The following ADGRD1 variants were observed in gnomAD, a reference collection of about 807,000 sequenced individuals.
The protein encoded by ADGRD1 is G-protein coupled receptor 133.
In ADGRD1, 77 loss-of-function variants were observed where a neutral mutation model predicts 113.4. The ratio of observed to expected loss-of-function variants is 0.68; its 90% CI spans 0.57 to 0.82. ADGRD1 has a LOEUF of 0.82. Ranked by LOEUF, ADGRD1 falls within the 40% of genes least tolerant of loss-of-function variation. The pLI, the probability that ADGRD1 is intolerant of heterozygous loss-of-function variation, is 0.00. For synonymous variants in ADGRD1, 474 were observed against 475.0 expected, an observed-to-expected ratio of 1.00 and a Z score of 0.03; for missense variants, 1,036 against 1,139.1, an observed-to-expected ratio of 0.91 and a Z score of 1.30.
intron 13 of ADGRD1, chr12:131,035,619 A>T (rs1298875923): frequency 7.7e-6 from 1 of 130,106 alleles, no homozygotes; most frequent in Non-Finnish European, 1.9e-5. Flanking sequence ...TGCTTAACTG[A>T]TGATGGGGTG....
chr12:131,000,325 T>C, intron 8 of ADGRD1, 58 bp from the exon 9 acceptor site: 1 of 1,308,596 alleles, frequency 7.6e-7, no homozygotes, highest in Non-Finnish European at 1.1e-6. Context: ...AAACTGAAGG[T>C]CTTCAAGTTT....
chr12:131,117,556 C>A (rs1018033223), intron 18 of ADGRD1, among the ~76,000 whole-genome samples: 1 of 152,114 alleles, frequency 6.6e-6, no homozygotes, highest in Non-Finnish European at 1.5e-5. Flanking sequence ...TCAGCAGTTT[C>A]GAAGAAAGCC....
chr12:131,002,964 G>A (rs1243600919), intron 9 of ADGRD1: 12 of 723,452 alleles, frequency 1.7e-5, no homozygotes, highest in Non-Finnish European at 2.1e-5. Context: ...GATGGCTGGG[G>A]TGATGGGTCC....
intron 12 of ADGRD1, among the ~76,000 whole-genome samples, chr12:131,006,981 G>T (rs903724339): frequency 1.3e-5 from 2 of 152,214 alleles, no homozygotes; most frequent in African/African-American, 4.8e-5. Flanking sequence ...TGAATGAAAA[G>T]GTGACCCTTC....
intron 14 of ADGRD1, among the ~76,000 whole-genome samples, chr12:131,078,937 G>A (rs759013769): frequency 2.8e-4 from 43 of 152,080 alleles, no homozygotes; most frequent in Non-Finnish European, 5.0e-4. Context: ...ATACAGTTGT[G>A]CAACCACCGT....
At chr12:130,988,480 T>C (rs1873967387) in intron 6 of ADGRD1, 1 of 152,228 alleles carries the variant, frequency 6.6e-6, no homozygotes, top group Admixed American at 6.5e-5. Context: ...CTCGTTCCGC[T>C]TCTGACGTTG....
chr12:130,999,444 AG>A (rs1188368085), intron 8 of ADGRD1, among the ~76,000 whole-genome samples: 1 of 152,214 alleles, frequency 6.6e-6, no homozygotes, highest in Non-Finnish European at 1.5e-5. Context: ...GGTCTCAAAA[AG>A]CATTTATCTC....
At chr12:131,130,664 C>T (rs566822942) in intron 20 of ADGRD1, among the ~76,000 whole-genome samples, 22 of 152,270 alleles carry the variant, frequency 1.4e-4, no homozygotes, top group Non-Finnish European at 1.9e-4. Context: ...AAAGGCCTGG[C>T]GCGGGCACCT....
chr12:131,030,719 C>G (rs1880618339), intron 13 of ADGRD1: 2 of 152,412 alleles, frequency 1.3e-5, no homozygotes, highest in Admixed American at 1.3e-4. Context: ...CCTTTGGCAT[C>G]TGTAGCGTGG....
At chr12:131,131,131 T>C (rs1195940) in intron 20 of ADGRD1, among the ~76,000 whole-genome samples, 124,837 of 152,086 alleles carry the variant, frequency 0.82, 52,317 homozygotes, top group Middle Eastern at 0.94. Context: ...CAGGTTGTGC[T>C]GAAGCCTCTG....
intron 13 of ADGRD1, among the ~76,000 whole-genome samples, chr12:131,018,180 G>A (rs768090189): frequency 9.9e-5 from 15 of 151,982 alleles, no homozygotes; most frequent in African/African-American, 1.2e-4. Context: ...ACGCCTATCC[G>A]CTCTCCCGCC....
intron 15 of ADGRD1, among the ~76,000 whole-genome samples, chr12:131,098,397 C>A (rs113011912): frequency 0.018 from 2,761 of 151,986 alleles, 82 homozygotes; most frequent in African/African-American, 0.063. Flanking sequence ...GAGACTCAGG[C>A]GCTATGGAGG....
At chr12:131,087,369 C>A (rs968509798) in intron 15 of ADGRD1, among the ~76,000 whole-genome samples, 1 of 152,170 alleles carries the variant, frequency 6.6e-6, no homozygotes, top group Non-Finnish European at 1.5e-5. Flanking sequence ...GAGCCTGGAC[C>A]CAGGAGCCCT....
chr12:131,136,078 G>A lies in ADGRD1; in HGVS notation c.2309G>A (p.Gly770Asp), dbSNP rs1444768149. 8 of 1,614,054 alleles carry A rather than the reference G, an allele frequency of 5.0e-6. No individual in the cohort carries two copies. The highest frequency in any genetic ancestry group is 6.8e-6 in the Non-Finnish European group (8 of 1,179,990). ...KAVAVLLPIL[G>D]TSWVFGVLAV... ...GTGGCCGTGCTGCTGCCCATCCTGG[G>A]TACCTCGTGGGTCTTTGGCGTGCTT... The change falls in exon 22 of 25, where the codon GGT becomes GAT. Residue 770 changes from glycine to aspartate, a missense_variant. Physicochemically the swap from Gly to Asp is moderately conservative, Grantham distance 94 (BLOSUM62 -1). Coordinates refer to ENST00000261654, the MANE Select transcript of ADGRD1 (RefSeq NM_198827.5).
chr12:130,990,344 G>A (rs1179885594), intron 6 of ADGRD1: 1 of 152,250 alleles, frequency 6.6e-6, no homozygotes, highest in Admixed American at 6.5e-5. Flanking sequence ...CAAAAATGAA[G>A]TAGAATATCT....
intron 5 of ADGRD1, among the ~76,000 whole-genome samples, chr12:130,983,865 C>T (rs984058031): frequency 6.6e-6 from 1 of 152,168 alleles, no homozygotes; most frequent in Non-Finnish European, 1.5e-5. Context: ...AGGAGGACAG[C>T]TTACCACACA....
chr12:130,976,525 C>T (rs765644891), intron 4 of ADGRD1, among the ~76,000 whole-genome samples: 3 of 152,138 alleles, frequency 2.0e-5, no homozygotes, highest in African/African-American at 4.8e-5. Flanking sequence ...AGGTGATTCT[C>T]GCAACTCATG....
chr12:131,102,498 C>A (rs1292013706), intron 15 of ADGRD1, among the ~76,000 whole-genome samples: 1 of 152,238 alleles, frequency 6.6e-6, no homozygotes, highest in Non-Finnish European at 1.5e-5. Context: ...CAGCACTGGG[C>A]AGCCTCGGGC....
chr12:130,987,378 T>C (rs774600391), intron 6 of ADGRD1, 29 bp downstream of exon 6: 1 of 1,612,080 alleles, frequency 6.2e-7, no homozygotes, highest in Non-Finnish European at 8.5e-7. Flanking sequence ...CTGGGGCAGA[T>C]CCGCTGTCTG....
Sources: allele counts gnomAD v4.1 joint callset (sites outside exome capture counted in the v4.1 genomes callset), GRCh38; gene constraint gnomAD v4.1.1; transcripts MANE v1.5; gene names NCBI Gene and HGNC (gene_info 2026-07-23, HGNC 2026-07-21).